The following ADAM32 variants were observed in gnomAD, a reference collection of about 807,000 sequenced individuals.
The protein encoded by ADAM32 is ADAM metallopeptidase domain 32.
Under a neutral mutation model 114.9 loss-of-function variants are expected in ADAM32, and 89 were observed. The ratio of observed to expected loss-of-function variants is 0.77; its 90% CI spans 0.65 to 0.92. The LOEUF (loss-of-function observed/expected upper bound fraction) is 0.92. ADAM32 is among the 40% of genes least tolerant of loss of function. ADAM32 has a pLI of 0.00. For missense variants in ADAM32, 870 were observed against 932.8 expected, an observed-to-expected ratio of 0.93 and a Z score of 0.88; for synonymous variants, 285 against 307.5, an observed-to-expected ratio of 0.93 and a Z score of 0.77.
intron 22 of ADAM32, among the ~76,000 whole-genome samples, chr8:39,279,671 C>T (rs546717981): frequency 3.7e-4 from 56 of 152,280 alleles, no homozygotes; most frequent in Non-Finnish European, 6.9e-4. Flanking sequence ...TATCAGTTTC[C>T]AAATCCTCCG....
At chr8:39,137,758 G>A (rs1398644083) in intron 3 of ADAM32, among the ~76,000 whole-genome samples, 4 of 125,666 alleles carry the variant, frequency 3.2e-5, no homozygotes, top group Non-Finnish European at 5.0e-5. Flanking sequence ...GTGACAGAGT[G>A]AGACACTGTC....
At chr8:39,142,035 T>C (rs2129445213) in intron 3 of ADAM32, among the ~76,000 whole-genome samples, 1 of 152,360 alleles carries the variant, frequency 6.6e-6, no homozygotes. Flanking sequence ...TTTTTTTGTT[T>C]TCCATTTGCT....
chr8:39,112,405 T>C (rs1409234996), intron 1 of ADAM32, among the ~76,000 whole-genome samples: 1 of 152,218 alleles, frequency 6.6e-6, no homozygotes, highest in Non-Finnish European at 1.5e-5. Flanking sequence ...ACTAAGTTTA[T>C]CAACACTTTC....
chr8:39,224,703 G>A (rs1380074208), intron 14 of ADAM32, among the ~76,000 whole-genome samples: 12 of 151,862 alleles, frequency 7.9e-5, no homozygotes, highest in Admixed American at 7.9e-4. Flanking sequence ...ATAAAAGTTG[G>A]CTTTTCACTA....
intron 11 of ADAM32, among the ~76,000 whole-genome samples, chr8:39,210,592 G>A (rs1274476885): frequency 6.6e-6 from 1 of 152,082 alleles, no homozygotes; most frequent in Non-Finnish European, 1.5e-5. Context: ...CACATAATAG[G>A]TACTCAATAA....
Position 39,186,945 on chromosome 8 carries a change from A to T in ADAM32, c.952A>T (p.Ile318Phe). Residue 318 changes from isoleucine to phenylalanine, a missense_variant, in exon 11 of 25, where the codon ATT becomes TTT. Transcript: ENST00000379907. Reference sequence around the variant, plus strand: ...GATAACTCTGGAGGCATTTGCAGTTATTGTCACCCAGATGCTGGCACTCAG... The same window carrying T: ...GATAACTCTGGAGGCATTTGCAGTTTTTGTCACCCAGATGCTGGCACTCAG... ...KEITLEAFAV[I>F]VTQMLALSLG... is the part of the protein sequence containing the mutation. 9.3e-6 allele frequency: 15 copies of T among 1,612,718 alleles called. No homozygotes were observed. The highest frequency in any genetic ancestry group is 1.3e-5 in the Non-Finnish European group (15 of 1,179,074).
intron 19 of ADAM32, among the ~76,000 whole-genome samples, chr8:39,263,005 G>A (rs1812140562): frequency 6.6e-6 from 1 of 152,108 alleles, no homozygotes; most frequent in Admixed American, 6.6e-5. Context: ...CAGGCTTGGT[G>A]AGGTGTTCTG....
chr8:39,139,228 T>C, intron 3 of ADAM32, among the ~76,000 whole-genome samples: 1 of 152,212 alleles, frequency 6.6e-6, no homozygotes, highest in East Asian at 1.9e-4. Context: ...GCTTTTGGTG[T>C]TGTAGTTGTG....
chr8:39,208,808 C>A (rs563531106), intron 11 of ADAM32, among the ~76,000 whole-genome samples: 2 of 152,190 alleles, frequency 1.3e-5, no homozygotes, highest in South Asian at 4.2e-4. Context: ...TCTCTTACTG[C>A]TTTTAGGAGT....
At chr8:39,142,836 A>G (rs1803253059) in intron 3 of ADAM32, among the ~76,000 whole-genome samples, 1 of 152,184 alleles carries the variant, frequency 6.6e-6, no homozygotes, top group African/African-American at 2.4e-5. Context: ...ACTTTCCGGT[A>G]CACCAATCAA....
chr8:39,278,135 C>T (rs949233739), intron 22 of ADAM32, among the ~76,000 whole-genome samples: 10 of 152,224 alleles, frequency 6.6e-5, no homozygotes, highest in East Asian at 3.9e-4. Flanking sequence ...CCAGCCACCT[C>T]GGGCTGGACT....
intron 19 of ADAM32, 104 bp from the exon 20 acceptor site, chr8:39,270,772 G>A (rs1812662079): frequency 1.2e-6 from 1 of 830,608 alleles, no homozygotes; most frequent in Non-Finnish European, 1.9e-6. Flanking sequence ...TTAATAATTA[G>A]TCTTATAAGG....
chr8:39,158,410 G>C, intron 6 of ADAM32: 1 of 179,064 alleles, frequency 5.6e-6, no homozygotes, highest in Non-Finnish European at 1.2e-5. Context: ...AAATTCAGAG[G>C]CCTTGAGGGG....
intron 6 of ADAM32, among the ~76,000 whole-genome samples, 160 bp from the exon 7 acceptor site, chr8:39,160,737 G>T (rs1317096310): frequency 6.6e-6 from 1 of 152,070 alleles, no homozygotes; most frequent in African/African-American, 2.4e-5. Flanking sequence ...TGAGTACATT[G>T]CCATAAAACT....
At chr8:39,132,621 C>T (rs772505959) in intron 2 of ADAM32, among the ~76,000 whole-genome samples, 2 of 152,120 alleles carry the variant, frequency 1.3e-5, no homozygotes, top group Non-Finnish European at 2.9e-5. Flanking sequence ...ACCATTTCTG[C>T]TTTTTGAGTT....
At chr8:39,206,778 G>C (rs939410604) in intron 11 of ADAM32, among the ~76,000 whole-genome samples, 2 of 152,116 alleles carry the variant, frequency 1.3e-5, no homozygotes, top group African/African-American at 4.8e-5. Flanking sequence ...TGGATGTGGG[G>C]GTATGTCAAT....
chr8:39,242,866 AC>A (rs1003352086), intron 16 of ADAM32, among the ~76,000 whole-genome samples: 3 of 152,232 alleles, frequency 2.0e-5, no homozygotes, highest in African/African-American at 4.8e-5. Flanking sequence ...GAAAAGATAA[AC>A]AAAACGGATA....
At chr8:39,272,891 A>G (rs970874207) in intron 20 of ADAM32, among the ~76,000 whole-genome samples, 16 of 152,190 alleles carry the variant, frequency 1.1e-4, no homozygotes, top group Non-Finnish European at 2.1e-4. Flanking sequence ...AAAAACAAAC[A>G]CATTGTACAA....
At chr8:39,262,834 T>C (rs1812125169) in intron 19 of ADAM32, among the ~76,000 whole-genome samples, 1 of 152,062 alleles carries the variant, frequency 6.6e-6, no homozygotes, top group Non-Finnish European at 1.5e-5. Flanking sequence ...GCCTCCAGAG[T>C]AGCTGGGACA....
Sources: allele counts gnomAD v4.1 joint callset (sites outside exome capture counted in the v4.1 genomes callset), GRCh38; gene constraint gnomAD v4.1.1; transcripts MANE v1.5; gene names NCBI Gene and HGNC (gene_info 2026-07-23, HGNC 2026-07-21).